TBPL2: variants seen among roughly 807,000 people sequenced by gnomAD.
TBPL2 encodes TATA box-binding protein-like 2.
Under a neutral mutation model 38.2 loss-of-function variants are expected in TBPL2, and 40 were observed. That is an observed-to-expected ratio of 1.05 (90% CI 0.81 to 1.36). TBPL2 has a LOEUF of 1.36. TBPL2 is among the 40% of genes most tolerant of loss of function. TBPL2 has a pLI of 0.00. For missense variants in TBPL2, 461 were observed against 456.7 expected (o/e 1.01, Z -0.09); for synonymous variants, 169 against 171.7 (o/e 0.98, Z 0.12).
At chr14:55,431,128 T>A (rs1418827939) in intron 4 of TBPL2, among the ~76,000 whole-genome samples, 2 of 152,260 alleles carry the variant, frequency 1.3e-5, no homozygotes, top group African/African-American at 4.8e-5. Flanking sequence ...CCTCATACTC[T>A]TGCTGTTACA....
chr14:55,435,438 G>C (rs922176531), intron 3 of TBPL2, among the ~76,000 whole-genome samples: 4 of 152,032 alleles, frequency 2.6e-5, no homozygotes, highest in Non-Finnish European at 5.9e-5. Flanking sequence ...ACAACATCCA[G>C]CTAATTTTTG....
intron 6 of TBPL2, among the ~76,000 whole-genome samples, chr14:55,419,815 G>A (rs572292695): frequency 1.6e-4 from 25 of 152,328 alleles, no homozygotes; most frequent in African/African-American, 5.5e-4. Flanking sequence ...CTAGGCAAGA[G>A]CTGGAATTCA....
At chr14:55,428,865 C>A (rs1226392881) in exon 5 of TBPL2, 1 of 1,614,224 alleles carries the variant, frequency 6.2e-7, no homozygotes. Context: ...AATCTCACAT[C>A]ACAGCTTCCA....
chr14:55,416,470 A>T (rs1885671466), intron 6 of TBPL2, among the ~76,000 whole-genome samples: 1 of 152,188 alleles, frequency 6.6e-6, no homozygotes, highest in Non-Finnish European at 1.5e-5. Context: ...AATAAAGAGA[A>T]GAAAAGTTAT....
At chr14:55,433,699 C>T (rs1009736664) in exon 4 of TBPL2, 2 of 1,613,894 alleles carry the variant, frequency 1.2e-6, no homozygotes, top group Non-Finnish European at 8.5e-7. Flanking sequence ...CTCTCGGATC[C>T]TCATTATGAC....
At chr14:55,427,960 C>T (rs1431653444) in intron 5 of TBPL2, among the ~76,000 whole-genome samples, 1 of 117,340 alleles carries the variant, frequency 8.5e-6, no homozygotes, top group Non-Finnish European at 2.0e-5. Flanking sequence ...ACTGCAAGCT[C>T]CGTCTCCCGG....
intron 6 of TBPL2, 69 bp from the exon 7 acceptor site, chr14:55,414,524 T>C: frequency 8.9e-7 from 1 of 1,117,902 alleles, no homozygotes; most frequent in South Asian, 1.5e-5. Flanking sequence ...ACACTAAAAT[T>C]TCATTGTATT....
chr14:55,418,406 T>C (rs1421883340), intron 6 of TBPL2, among the ~76,000 whole-genome samples: 1 of 152,262 alleles, frequency 6.6e-6, no homozygotes. Context: ...CATCAAGTCA[T>C]AACTGCACAT....
chr14:55,439,147 C>T (rs1396595282), intron 1 of TBPL2, among the ~76,000 whole-genome samples: 3 of 151,974 alleles, frequency 2.0e-5, no homozygotes, highest in Middle Eastern at 3.2e-3. Context: ...CCATGTTGGC[C>T]AGGCTGGTCT....
chr14:55,427,387 A>AT (rs1174616750), intron 5 of TBPL2, among the ~76,000 whole-genome samples: 1 of 152,248 alleles, frequency 6.6e-6, no homozygotes, highest in Non-Finnish European at 1.5e-5. Context: ...GAATGAAAAT[A>AT]TTTTAGAAGA....
intron 5 of TBPL2, among the ~76,000 whole-genome samples, chr14:55,426,527 GGCCTC>G (rs1885826658): frequency 6.6e-6 from 1 of 152,010 alleles, no homozygotes; most frequent in East Asian, 1.9e-4. Context: ...CAATTAGAGA[GGCCTC>G]ATGTTAAAAA....
In TBPL2 at chr14:55,428,806, C is replaced by A; in HGVS notation, c.956+1G>T. On this transcript the variant is annotated splice_donor_variant, in intron 5 of 6. Coordinates refer to ENST00000247219, the Ensembl canonical transcript of TBPL2. LOFTEE classifies it high-confidence loss of function. ...AAGTTCAAGCTATATAACCGTCATA[C>A]CTACTGAACTGCTGATGGGTTAGCA... 6.2e-7 allele frequency: 1 copy of A among 1,613,330 alleles called. No homozygotes were observed. The highest frequency in any genetic ancestry group is 8.5e-7 in the Non-Finnish European group (1 of 1,179,720).
intron 6 of TBPL2, among the ~76,000 whole-genome samples, chr14:55,417,175 ATG>A (rs965206485): frequency 6.6e-6 from 1 of 152,174 alleles, no homozygotes; most frequent in African/African-American, 2.4e-5. Flanking sequence ...TAAGAAACAG[ATG>A]TTACCTGAAC....
chr14:55,435,814 C>T, intron 3 of TBPL2, 33 bp downstream of exon 3: 1 of 1,343,456 alleles, frequency 7.4e-7, no homozygotes, highest in Non-Finnish European at 1.0e-6. Context: ...TAAAGAGAAG[C>T]TAATTATTGG....
At chr14:55,427,780 C>T (rs1263272866) in intron 5 of TBPL2, among the ~76,000 whole-genome samples, 2 of 151,726 alleles carry the variant, frequency 1.3e-5, no homozygotes, top group Non-Finnish European at 2.9e-5. Context: ...GAGATATTCC[C>T]TAGGAAAAGG....
chr14:55,436,611 C>A, exon 2 of TBPL2: 3 of 1,614,142 alleles, frequency 1.9e-6, no homozygotes, highest in Admixed American at 1.7e-5. Flanking sequence ...TCATTGGTGT[C>A]ATGGGAGTTA....
chr14:55,417,612 A>AC (rs1157758801), intron 6 of TBPL2, among the ~76,000 whole-genome samples: 4 of 152,178 alleles, frequency 2.6e-5, no homozygotes, highest in Admixed American at 1.3e-4. Flanking sequence ...GGCAAGCACC[A>AC]CCATGTCTGG....
intron 1 of TBPL2, among the ~76,000 whole-genome samples, chr14:55,440,023 C>G (rs577346717): frequency 4.6e-5 from 7 of 151,668 alleles, no homozygotes; most frequent in Admixed American, 3.9e-4. Context: ...TCGCTTGAAC[C>G]CAGGAGGCGG....
intron 5 of TBPL2, among the ~76,000 whole-genome samples, chr14:55,426,018 A>G (rs1885816107): frequency 6.6e-6 from 1 of 152,208 alleles, no homozygotes. Flanking sequence ...CTGTAATCCT[A>G]GTACTTGGGA....
Sources: allele counts gnomAD v4.1 joint callset (sites outside exome capture counted in the v4.1 genomes callset), GRCh38; gene constraint gnomAD v4.1.1; transcripts MANE v1.5; gene names NCBI Gene and HGNC (gene_info 2026-07-23, HGNC 2026-07-21).